The following UNC5A variants were observed in gnomAD, a reference collection of about 807,000 sequenced individuals.
UNC5A encodes the protein unc-5 netrin receptor A, also known as netrin receptor UNC5A.
Under a neutral mutation model 87.4 loss-of-function variants are expected in UNC5A, and 20 were observed. That is an observed-to-expected ratio of 0.23 (90% CI 0.16 to 0.33). UNC5A has a LOEUF of 0.33. Ranked by LOEUF, UNC5A falls within the 10% of genes least tolerant of loss-of-function variation. The probability of loss-of-function intolerance (pLI) is 1.00; values close to 1 mark genes in which losing one functional copy is unlikely to be tolerated. For missense variants in UNC5A, 844 were observed against 1,133.4 expected (o/e 0.74, Z 3.67); for synonymous variants, 438 against 482.3 (o/e 0.91, Z 1.20).
intron 1 of UNC5A, among the ~76,000 whole-genome samples, chr5:176,820,224 C>T (rs1173501035): frequency 6.6e-6 from 1 of 152,136 alleles, no homozygotes; most frequent in African/African-American, 2.4e-5. Flanking sequence ...GGTGAAACCA[C>T]GTCTCTACTA....
At chr5:176,853,138 T>C in intron 1 of UNC5A, among the ~76,000 whole-genome samples, 1 of 152,178 alleles carries the variant, frequency 6.6e-6, no homozygotes, top group South Asian at 2.1e-4. Flanking sequence ...GCAAAGGCCC[T>C]GCAGTGGGGT....
At chr5:176,843,126 A>G (rs930228387) in intron 1 of UNC5A, among the ~76,000 whole-genome samples, 1 of 150,886 alleles carries the variant, frequency 6.6e-6, no homozygotes, top group Non-Finnish European at 1.5e-5. Flanking sequence ...GCGTCATTGC[A>G]CTCCAGCCTG....
intron 10 of UNC5A, 52 bp from the exon 11 acceptor site, chr5:176,877,842 G>GC (rs1758301412): frequency 6.5e-7 from 1 of 1,549,312 alleles, no homozygotes; most frequent in Admixed American, 1.8e-5. Context: ...GCCACAGCTG[G>GC]CCCTAGGGCT....
chr5:176,871,060 C>A (rs1375550037), intron 6 of UNC5A, among the ~76,000 whole-genome samples: 1 of 6,558 alleles, frequency 1.5e-4, no homozygotes. Context: ...ACACTCGCCC[C>A]ACACCACAGC....
At chr5:176,817,298 C>T (rs1267979425) in intron 1 of UNC5A, among the ~76,000 whole-genome samples, 1 of 149,326 alleles carries the variant, frequency 6.7e-6, no homozygotes, top group Non-Finnish European at 1.5e-5. Flanking sequence ...GGGGGAAGGC[C>T]GGGGGAATCT....
intron 14 of UNC5A, 41 bp downstream of exon 14, chr5:176,879,529 GA>G (rs1758363685): frequency 1.3e-6 from 2 of 1,571,198 alleles, no homozygotes; most frequent in African/African-American, 1.4e-5. Context: ...GCAGGCCACC[GA>G]CAGTCCTGCC....
rs1437985344 is a variant in UNC5A, at chr5:176,870,455, A to C, written c.807A>C (p.Pro269=). Residue 269 remains proline (P), a synonymous_variant, in exon 6 of 15, where the codon CCA becomes CCC. Coordinates refer to ENST00000329542, the MANE Select transcript of UNC5A (RefSeq NM_133369.3). ...GGCGGAGCCGTGAGTGCTCTGACCCAGCACCCCGCAACGGAGGGGAGGAGT... is the reference window on the plus strand; with the variant it reads ...GGCGGAGCCGTGAGTGCTCTGACCCCGCACCCCGCAACGGAGGGGAGGAGT... ...THWRSRECSD[P]APRNGGEECQ... 1 of 1,611,654 alleles carries C rather than the reference A, an allele frequency of 6.2e-7. No individual in the cohort carries two copies. The highest frequency in any genetic ancestry group is 2.2e-5 in the East Asian group (1 of 44,834).
Position 176,874,212 on chromosome 5 carries a change from TG to T in UNC5A, c.1076-48del. ...CCCCAGCTCCCACGCCAAGGGCTGC[TG>T]GGGCAGGGATGCCCTAGGTGCCATT... On this transcript the variant is annotated intron_variant, in intron 7 of 14. Coordinates refer to ENST00000329542, the MANE Select transcript of UNC5A (RefSeq NM_133369.3). The surrounding 1 kb of genome is among the most constrained non-coding windows in gnomAD (Gnocchi z 7.6). 1 of 1,596,826 alleles carries T rather than the reference TG, an allele frequency of 6.3e-7. No individual in the cohort carries two copies.
intron 1 of UNC5A, among the ~76,000 whole-genome samples, chr5:176,816,542 T>A (rs1457859970): frequency 1.3e-5 from 2 of 152,380 alleles, no homozygotes; most frequent in East Asian, 3.9e-4. Context: ...GCTCTGTGGC[T>A]GGGTTTGGAC....
At chr5:176,811,367 G>A in intron 1 of UNC5A, among the ~76,000 whole-genome samples, 1 of 152,200 alleles carries the variant, frequency 6.6e-6, no homozygotes, top group Non-Finnish European at 1.5e-5. Flanking sequence ...ACACTCAGGC[G>A]TGGAGGCGCA....
At chr5:176,834,333 C>T (rs1561646339) in intron 1 of UNC5A, among the ~76,000 whole-genome samples, 2 of 152,312 alleles carry the variant, frequency 1.3e-5, no homozygotes, top group South Asian at 2.1e-4. Context: ...TGGCATTAGC[C>T]GCCCAGCTGG....
intron 1 of UNC5A, among the ~76,000 whole-genome samples, chr5:176,860,267 A>T (rs759749493): frequency 9.2e-5 from 14 of 152,148 alleles, no homozygotes; most frequent in Non-Finnish European, 1.8e-4. Flanking sequence ...TCTGGCATCC[A>T]TCTTGGCCTG....
intron 1 of UNC5A, among the ~76,000 whole-genome samples, chr5:176,825,379 G>A (rs1581245511): frequency 6.6e-6 from 1 of 152,154 alleles, no homozygotes; most frequent in Non-Finnish European, 1.5e-5. Flanking sequence ...AGGCTTTGGC[G>A]AAGGACCCGC....
At chr5:176,813,189 C>T (rs1408085312) in intron 1 of UNC5A, among the ~76,000 whole-genome samples, 3 of 152,236 alleles carry the variant, frequency 2.0e-5, no homozygotes, top group East Asian at 1.9e-4. Flanking sequence ...AACCCCGTCA[C>T]GCAGCTGGCA....
intron 1 of UNC5A, among the ~76,000 whole-genome samples, chr5:176,826,893 C>A (rs1193159700): frequency 6.6e-6 from 1 of 152,132 alleles, no homozygotes; most frequent in Non-Finnish European, 1.5e-5. Flanking sequence ...CCCGTCTCGG[C>A]CTCCCAAAGT....
In UNC5A at chr5:176,869,177, TG is replaced by T. The variant is rs939441396; in HGVS notation, c.721+216del. Among the ~76,000 whole-genome samples the T allele has an allele frequency of 6.6e-6, 1 of 152,018 alleles. No homozygotes were observed. The highest frequency in any genetic ancestry group is 2.4e-5 in the African/African-American group (1 of 41,370). The stretch of plus-strand genomic sequence containing the variant: ...AGTGGGACAGATTGGAGGTCCTTTG[TG>T]GGCAGCGGGCATTGTGCAGAAGGAG... On this transcript the variant is annotated intron_variant, in intron 5 of 14. Coordinates refer to ENST00000329542, the MANE Select transcript of UNC5A (RefSeq NM_133369.3). This position sits in a 1 kb window ranked among gnomAD's most constrained non-coding sequence, Gnocchi z 9.1.
At chr5:176,867,646 GTTA>G (rs1561664390) in intron 2 of UNC5A, among the ~76,000 whole-genome samples, 1 of 152,184 alleles carries the variant, frequency 6.6e-6, no homozygotes, top group African/African-American at 2.4e-5. Flanking sequence ...GTTAATGACT[GTTA>G]TTATATTATC....
At chr5:176,870,218 C>T (rs1561666210) in intron 5 of UNC5A, 152 bp from the exon 6 acceptor site, 5 of 904,814 alleles carry the variant, frequency 5.5e-6, no homozygotes, top group South Asian at 5.2e-5. Flanking sequence ...CACTAGAGGG[C>T]GTGCATCGTG....
In UNC5A at chr5:176,869,449, G is replaced by A. The variant is rs1309625482; in HGVS notation, c.721+485G>A. 2.0e-5 allele frequency among the ~76,000 whole-genome samples: 3 copies of A among 152,094 alleles called. No homozygotes were observed. The highest frequency in any genetic ancestry group is 4.4e-5 in the Non-Finnish European group (3 of 67,978). ...TGGCGTGCGTGCTGCAGGGCCCGGG[G>A]GCCAGCAGGCACGAGCATGGCCTCC... On this transcript the variant is annotated intron_variant, in intron 5 of 14. Coordinates refer to ENST00000329542, the MANE Select transcript of UNC5A (RefSeq NM_133369.3). The surrounding 1 kb of genome is among the most constrained non-coding windows in gnomAD (Gnocchi z 9.1).
Sources: allele counts gnomAD v4.1 joint callset (sites outside exome capture counted in the v4.1 genomes callset), GRCh38; gene constraint gnomAD v4.1.1; non-coding constraint Gnocchi (gnomAD v3.1); transcripts MANE v1.5; gene names NCBI Gene and HGNC (gene_info 2026-07-23, HGNC 2026-07-21).